MSTO1: variants seen among roughly 807,000 people sequenced by gnomAD.
MSTO1 encodes misato mitochondrial distribution and morphology regulator 1.
In MSTO1, 24 loss-of-function variants were observed where a neutral mutation model predicts 55.7. That is an observed-to-expected ratio of 0.43 (90% CI 0.31 to 0.61). The LOEUF is 0.61. Among genes scored for constraint, MSTO1 ranks in the 20% least tolerant of loss-of-function variants. MSTO1 has a pLI of 0.09. For synonymous variants in MSTO1, 162 were observed against 252.8 expected (o/e 0.64, Z 3.41); for missense variants, 363 against 625.7 (o/e 0.58, Z 4.48).
chr1:155,613,665 A>G lies in MSTO1; in HGVS notation c.1397A>G (p.His466Arg), dbSNP rs1571265061. ...QQQPGVMSSS[H>R]LLLTPCRVAP... ...GTTCTCTGCCCCCACAGTTCTTCCCATCTGCTGCTGACTCCCTGCAGGGTG... is the reference window on the plus strand; with the variant it reads ...GTTCTCTGCCCCCACAGTTCTTCCCGTCTGCTGCTGACTCCCTGCAGGGTG... Residue 466 changes from histidine (H) to arginine (R), a missense_variant, in exon 13 of 14, where the codon CAT becomes CGT. Transcript: ENST00000245564. 1.9e-6 allele frequency: 3 copies of G among 1,596,092 alleles called. No individual in the cohort carries two copies. Among genetic ancestry groups the G allele is most frequent in the Non-Finnish European group, 1.7e-6 (2 of 1,166,010 alleles).
chr1:155,564,764 G>C, the MSTO1 span, among the ~76,000 whole-genome samples: 239 of 152,292 alleles, frequency 1.6e-3, 1 homozygote, highest in African/African-American at 5.6e-3. Context: ...TCTGAGAACA[G>C]GGACTATGTC....
upstream of MSTO1, among the ~76,000 whole-genome samples, chr1:155,609,062 G>T: frequency 6.7e-6 from 1 of 149,074 alleles, no homozygotes; most frequent in South Asian, 2.1e-4. Flanking sequence ...CCTGACCTCA[G>T]TTGATCCTCC....
chr1:155,595,116 C>T, the MSTO1 span, among the ~76,000 whole-genome samples: 8 of 139,680 alleles, frequency 5.7e-5, no homozygotes, highest in Non-Finnish European at 1.1e-4. Context: ...ACAGCCTGGG[C>T]GACAGAGCGA....
the MSTO1 span, among the ~76,000 whole-genome samples, chr1:155,569,594 C>T: frequency 2.6e-5 from 4 of 151,942 alleles, no homozygotes; most frequent in South Asian, 4.2e-4. Flanking sequence ...CCCGCCACCA[C>T]GCCTGACTAA....
At chr1:155,576,751 C>T in the MSTO1 span, among the ~76,000 whole-genome samples, 2 of 151,062 alleles carry the variant, frequency 1.3e-5, no homozygotes, top group African/African-American at 2.4e-5. Flanking sequence ...CAGTGGCACA[C>T]GCCTGTAATC....
rs1673611747 is a variant in MSTO1, at chr1:155,610,421, C to G, written c.85-4C>G. ...GGCCTGCCTCGTCCTCTCTGCTTCCCCAGGATGCTGCGCTGGGCCGAGCGA... is the reference window on the plus strand; with the variant it reads ...GGCCTGCCTCGTCCTCTCTGCTTCCGCAGGATGCTGCGCTGGGCCGAGCGA... On this transcript the variant is annotated splice_region_variant and splice_polypyrimidine_tract_variant and intron_variant, in intron 1 of 13. Transcript: ENST00000245564. 4.7e-6 allele frequency: 4 copies of G among 857,658 alleles called. No homozygotes were observed. Among genetic ancestry groups the G allele is most frequent in the Middle Eastern group, 3.5e-4 (1 of 2,858 alleles). 53.1% of individuals were successfully genotyped at this position (857,658 alleles called of 1,614,324 possible).
intron 11 of MSTO1, 88 bp from the exon 12 acceptor site, chr1:155,613,374 G>C (rs1674774811): frequency 1.3e-6 from 2 of 1,587,476 alleles, no homozygotes; most frequent in Middle Eastern, 1.7e-4. Flanking sequence ...TGAATATCTT[G>C]ATCCAGCTGA....
the MSTO1 span, among the ~76,000 whole-genome samples, chr1:155,582,131 A>T: frequency 6.7e-6 from 1 of 150,304 alleles, no homozygotes; most frequent in South Asian, 2.1e-4. Context: ...TGATCTCATG[A>T]TCGCCCGCCT....
upstream of MSTO1, among the ~76,000 whole-genome samples, chr1:155,609,236 T>A (rs1673247515): frequency 1.9e-5 from 1 of 53,146 alleles, no homozygotes; most frequent in African/African-American, 6.0e-5. Context: ...TATATATATA[T>A]ATATATATTT....
At chr1:155,576,640 T>G in the MSTO1 span, among the ~76,000 whole-genome samples, 1 of 151,936 alleles carries the variant, frequency 6.6e-6, no homozygotes, top group Non-Finnish European at 1.5e-5. Flanking sequence ...TTAGTTCTTT[T>G]GCTTGTGCTT....
intron 4 of MSTO1, 90 bp downstream of exon 4, chr1:155,611,381 A>G: frequency 6.2e-7 from 1 of 1,611,770 alleles, no homozygotes; most frequent in Non-Finnish European, 8.5e-7. Context: ...AATCATTTTA[A>G]GTGTCTTAGA....
At chr1:155,593,315 T>C in the MSTO1 span, among the ~76,000 whole-genome samples, 1 of 152,226 alleles carries the variant, frequency 6.6e-6, no homozygotes, top group South Asian at 2.1e-4. Context: ...GTGTGTTAAG[T>C]ACTCAGAGAA....
the MSTO1 span, among the ~76,000 whole-genome samples, chr1:155,592,623 G>A: frequency 2.6e-5 from 4 of 151,560 alleles, no homozygotes; most frequent in East Asian, 7.7e-4. Context: ...GCACAATCTC[G>A]GCTCACTCCA....
the MSTO1 span, among the ~76,000 whole-genome samples, chr1:155,592,574 G>C: frequency 6.7e-6 from 1 of 150,208 alleles, no homozygotes; most frequent in Admixed American, 6.6e-5. Flanking sequence ...TTTTTTTTGA[G>C]ATGGGGCTTC....
chr1:155,581,542 G>A, the MSTO1 span, among the ~76,000 whole-genome samples: 2 of 151,760 alleles, frequency 1.3e-5, no homozygotes, highest in Middle Eastern at 6.3e-3. Flanking sequence ...CTCCCAAGTA[G>A]CTGGGATTAT....
At chr1:155,613,867 T>C in intron 13 of MSTO1, 101 bp downstream of exon 13, 1 of 1,279,312 alleles carries the variant, frequency 7.8e-7, no homozygotes, top group Non-Finnish European at 1.1e-6. Flanking sequence ...AGTTAAACAT[T>C]CCTTTATTCA....
the MSTO1 span, chr1:155,586,635 CT>C: frequency 0.037 from 13,918 of 380,466 alleles, no homozygotes; most frequent in South Asian, 0.06. Context: ...TTACCTTTCA[CT>C]TTTTTTTTTT....
At chr1:155,609,037 G>A (rs1358785540), upstream of MSTO1, among the ~76,000 whole-genome samples, 5 of 149,692 alleles carry the variant, frequency 3.3e-5, no homozygotes, top group East Asian at 6.0e-4. Context: ...ATGTTAGCCA[G>A]GCTGGTCTCA....
chr1:155,596,457 G>T, the MSTO1 span, among the ~76,000 whole-genome samples: 1 of 152,096 alleles, frequency 6.6e-6, no homozygotes, highest in African/African-American at 2.4e-5. Context: ...TATACATACT[G>T]GGTTTGGGGA....
Sources: allele counts gnomAD v4.1 joint callset (sites outside exome capture counted in the v4.1 genomes callset), GRCh38; gene constraint gnomAD v4.1.1; transcripts MANE v1.5; gene names NCBI Gene and HGNC (gene_info 2026-07-23, HGNC 2026-07-21).